The following HIVEP3 variants were observed in gnomAD, a reference collection of about 807,000 sequenced individuals.
The protein encoded by HIVEP3 is HIVEP zinc finger 3.
A neutral mutation model predicts 152.8 loss-of-function variants in HIVEP3; 49 were observed. That is an observed-to-expected ratio of 0.32 (90% CI 0.26 to 0.41). The LOEUF is 0.41. Ranked by LOEUF, HIVEP3 falls within the 10% of genes least tolerant of loss-of-function variation. The pLI is 1.00. For synonymous variants in HIVEP3, 1,269 were observed against 1,289.0 expected, an observed-to-expected ratio of 0.98 and a Z score of 0.33; for missense variants, 2,790 against 3,103.3, an observed-to-expected ratio of 0.90 and a Z score of 2.40.
chr1:41,950,171 A>T (rs968428635), intron 1 of HIVEP3, among the ~76,000 whole-genome samples: 8 of 152,220 alleles, frequency 5.3e-5, no homozygotes, highest in African/African-American at 1.7e-4. Context: ...AAAGCTAGTC[A>T]TCTATCGTCT....
intron 1 of HIVEP3, among the ~76,000 whole-genome samples, chr1:41,789,952 C>A (rs1399812363): frequency 6.6e-6 from 1 of 152,222 alleles, no homozygotes; most frequent in Non-Finnish European, 1.5e-5. Flanking sequence ...TCACACGTAA[C>A]ACCCAGGTCA....
chr1:41,701,308 A>G (rs909818324), intron 1 of HIVEP3, among the ~76,000 whole-genome samples: 2 of 152,182 alleles, frequency 1.3e-5, no homozygotes, highest in Non-Finnish European at 2.9e-5. Flanking sequence ...CGGGGAAAAC[A>G]CCCTTTGTGG....
intron 1 of HIVEP3, among the ~76,000 whole-genome samples, chr1:41,853,672 C>A (rs149714653): frequency 6.6e-6 from 1 of 152,164 alleles, no homozygotes; most frequent in South Asian, 2.1e-4. Flanking sequence ...AGGATTTCAA[C>A]GTGTAGAAAG....
chr1:41,562,084 G>C (rs1169679729), intron 5 of HIVEP3, among the ~76,000 whole-genome samples: 1 of 152,176 alleles, frequency 6.6e-6, no homozygotes, highest in East Asian at 1.9e-4. Flanking sequence ...TCTGTATGCT[G>C]GACCTGGGAT....
chr1:41,949,459 T>A (rs1243314234), intron 1 of HIVEP3, among the ~76,000 whole-genome samples: 1 of 152,086 alleles, frequency 6.6e-6, no homozygotes, highest in African/African-American at 2.4e-5. Context: ...ATCGAAGAGC[T>A]TTAGACTTTA....
chr1:41,699,436 C>T (rs1363457181), intron 2 of HIVEP3, among the ~76,000 whole-genome samples: 5 of 152,212 alleles, frequency 3.3e-5, no homozygotes, highest in Non-Finnish European at 5.9e-5. Context: ...CCAGCTATTA[C>T]CCACCACACA....
intron 1 of HIVEP3, among the ~76,000 whole-genome samples, chr1:41,806,924 C>T (rs901531466): frequency 1.3e-5 from 2 of 152,098 alleles, no homozygotes; most frequent in Non-Finnish European, 2.9e-5. Flanking sequence ...ACCCACACAG[C>T]CCCTACACCT....
At chr1:41,528,743 C>T (rs1362659910) in intron 5 of HIVEP3, among the ~76,000 whole-genome samples, 3 of 136,796 alleles carry the variant, frequency 2.2e-5, no homozygotes, top group Non-Finnish European at 3.2e-5. Context: ...CACACACCCT[C>T]ACATACTCCA....
chr1:41,580,020 A>G lies in HIVEP3; in HGVS notation c.4778T>C (p.Leu1593Pro). 2 of 1,614,230 alleles carry G rather than the reference A, an allele frequency of 1.2e-6. No individual in the cohort carries two copies. The highest frequency in any genetic ancestry group is 1.7e-6 in the Non-Finnish European group (2 of 1,180,044). ...SQEGTDSKKV[L>P]QFPSLHTTTN... The stretch of plus-strand genomic sequence containing the variant: ...GGTTGTGTGGAGGCTGGGGAACTGC[A>G]GTACCTTCTTTGAGTCCGTACCTTC... Residue 1593 changes from leucine to proline, a missense_variant, in exon 4 of 9, where the codon CTG (leucine) becomes CCG (proline). Physicochemically the swap from Leu to Pro is moderately conservative, Grantham distance 98. Coordinates refer to ENST00000372583, the MANE Select transcript of HIVEP3 (RefSeq NM_024503.5).
rs144222006 is a variant in HIVEP3, at chr1:41,716,967, G to A, written c.-800-15972C>T. On this transcript the variant is annotated intron_variant, in intron 1 of 8. Coordinates refer to ENST00000372583, the MANE Select transcript of HIVEP3 (RefSeq NM_024503.5). ...AAGCTGCACGCACGTTGTGGAAGACGAGTATGTTTACTCAGCAGCACACAG... is the reference window on the plus strand; with the variant it reads ...AAGCTGCACGCACGTTGTGGAAGACAAGTATGTTTACTCAGCAGCACACAG... Among the ~76,000 whole-genome samples, 21 of 152,374 alleles carry A rather than the reference G, an allele frequency of 1.4e-4. No individual in the cohort carries two copies. The East Asian group carries it at 3.5e-3, about 25-fold the overall frequency.
chr1:41,948,841 C>T (rs1645089466), intron 1 of HIVEP3, among the ~76,000 whole-genome samples: 1 of 152,028 alleles, frequency 6.6e-6, no homozygotes, highest in Admixed American at 6.5e-5. Flanking sequence ...TCAAAACTAT[C>T]AAGCAGATAG....
Position 41,710,621 on chromosome 1 carries a change from G to A in HIVEP3, c.-800-9626C>T, listed in dbSNP as rs573447132. Among the ~76,000 whole-genome samples the A allele has an allele frequency of 2.0e-5, 3 of 152,254 alleles. No individual in the cohort carries two copies. In the South Asian group the frequency reaches 6.2e-4, roughly 32 times the overall value. ...CCAGTCCTCCCTCTCACAATGAGGC[G>A]CATCTAAAGAGCCCCCGCCCAGGCT... On this transcript the variant is annotated intron_variant, in intron 1 of 8. Coordinates refer to ENST00000372583, the MANE Select transcript of HIVEP3 (RefSeq NM_024503.5).
intron 1 of HIVEP3, among the ~76,000 whole-genome samples, chr1:42,034,733 A>G (rs1169770354): frequency 1.3e-5 from 2 of 152,198 alleles, no homozygotes; most frequent in Non-Finnish European, 2.9e-5. Context: ...AAAGCAGACA[A>G]GTATCCAAAC....
At chr1:41,966,475 CTTTTTT>C (rs58470482) in intron 1 of HIVEP3, among the ~76,000 whole-genome samples, 2 of 95,810 alleles carry the variant, frequency 2.1e-5, no homozygotes, top group Non-Finnish European at 3.9e-5. Context: ...GTGCTGTATT[CTTTTTT>C]TTTTTTTTTT....
chr1:41,977,983 A>G (rs1046947940), intron 1 of HIVEP3, among the ~76,000 whole-genome samples: 4 of 152,234 alleles, frequency 2.6e-5, no homozygotes, highest in Admixed American at 1.3e-4. Context: ...CAATCATACC[A>G]ATAGGCAATG....
intron 1 of HIVEP3, among the ~76,000 whole-genome samples, chr1:41,791,116 A>ATG (rs1491283044): frequency 1.5e-5 from 2 of 135,412 alleles, no homozygotes; most frequent in Non-Finnish European, 3.2e-5. Flanking sequence ...ACAGGCACAC[A>ATG]TGTGTACACA....
chr1:42,001,664 C>A (rs928065173), intron 1 of HIVEP3, among the ~76,000 whole-genome samples: 2 of 152,206 alleles, frequency 1.3e-5, no homozygotes, highest in African/African-American at 4.8e-5. Flanking sequence ...CCAAGCCTGG[C>A]TCATCACACA....
chr1:41,845,275 C>G (rs539040583), intron 1 of HIVEP3, among the ~76,000 whole-genome samples: 2 of 152,114 alleles, frequency 1.3e-5, no homozygotes, highest in Non-Finnish European at 2.9e-5. Context: ...GTTCACTCCT[C>G]TATCTCCTGG....
At chr1:41,900,548 C>T (rs572795928) in intron 1 of HIVEP3, among the ~76,000 whole-genome samples, 134 of 152,262 alleles carry the variant, frequency 8.8e-4, no homozygotes, top group African/African-American at 2.9e-3. Flanking sequence ...TTGCCTCTCC[C>T]TGGGCTGGGC....
Sources: allele counts gnomAD v4.1 joint callset (sites outside exome capture counted in the v4.1 genomes callset), GRCh38; gene constraint gnomAD v4.1.1; transcripts MANE v1.5; gene names NCBI Gene and HGNC (gene_info 2026-07-23, HGNC 2026-07-21).